Variants in TMEM117 observed in about 807,000 individuals in gnomAD.
TMEM117 encodes transmembrane protein 117.
Under a neutral mutation model 52.4 loss-of-function variants are expected in TMEM117, and 27 were observed. That is an observed-to-expected ratio of 0.51 (90% CI 0.38 to 0.71). The LOEUF (loss-of-function observed/expected upper bound fraction) is 0.71, where lower values mean the gene tolerates loss of function less well. Ranked by LOEUF, TMEM117 falls within the 30% of genes least tolerant of loss-of-function variation. The pLI is 0.00. For missense variants in TMEM117, 556 were observed against 630.5 expected, an observed-to-expected ratio of 0.88 and a Z score of 1.26; for synonymous variants, 215 against 206.3, an observed-to-expected ratio of 1.04 and a Z score of -0.36.
intron 5 of TMEM117, among the ~76,000 whole-genome samples, chr12:44,223,982 T>A (rs1022804939): frequency 6.6e-6 from 1 of 152,144 alleles, no homozygotes; most frequent in African/African-American, 2.4e-5. Flanking sequence ...CTTCCATATT[T>A]TATTAACTCT....
chr12:43,920,291 C>T (rs560760030), intron 2 of TMEM117, among the ~76,000 whole-genome samples: 5 of 152,158 alleles, frequency 3.3e-5, no homozygotes, highest in African/African-American at 1.2e-4. Context: ...TTTGGGATGC[C>T]GAGGCGGGCG....
intron 2 of TMEM117, among the ~76,000 whole-genome samples, chr12:43,925,228 T>TG (rs1167669762): frequency 1.3e-5 from 2 of 151,890 alleles, no homozygotes; most frequent in African/African-American, 2.4e-5. Context: ...TCAGTGTGTG[T>TG]GGGGGTGTCT....
intron 3 of TMEM117, among the ~76,000 whole-genome samples, chr12:44,027,261 T>C (rs1412572648): frequency 1.3e-5 from 2 of 151,070 alleles, no homozygotes; most frequent in East Asian, 1.9e-4. Flanking sequence ...TCTTGGCTCA[T>C]TGCAACCTCC....
chr12:43,894,077 A>C (rs1483094756), intron 2 of TMEM117, among the ~76,000 whole-genome samples: 1 of 152,196 alleles, frequency 6.6e-6, no homozygotes, highest in Non-Finnish European at 1.5e-5. Flanking sequence ...CAATACTTCC[A>C]TGGTACTGTA....
chr12:43,845,496 T>G lies in TMEM117; in HGVS notation c.277+568T>G, dbSNP rs1363332262. ...AAAAAAAAAAAAAGAGCATTAGAGA[T>G]AAAATGAATATATACCTAGTCATTT... On this transcript the variant is annotated intron_variant, in intron 2 of 7. Coordinates refer to ENST00000266534, the MANE Select transcript of TMEM117 (RefSeq NM_032256.3). Among the ~76,000 whole-genome samples the G allele has an allele frequency of 1.8e-4, 26 of 148,236 alleles. 1 individual carries two copies. The highest frequency in any genetic ancestry group is 1.2e-3 in the Admixed American group (18 of 14,902).
At chr12:44,185,533 G>A (rs1375968579) in intron 4 of TMEM117, among the ~76,000 whole-genome samples, 1 of 152,076 alleles carries the variant, frequency 6.6e-6, no homozygotes, top group Non-Finnish European at 1.5e-5. Flanking sequence ...GTTAGGAAAA[G>A]ACATTGGTGC....
At chr12:43,973,218 A>G (rs534549634) in intron 3 of TMEM117, among the ~76,000 whole-genome samples, 5 of 152,246 alleles carry the variant, frequency 3.3e-5, no homozygotes, top group African/African-American at 1.2e-4. Context: ...GTTTTTCCCA[A>G]GGAGTCCCAG....
At chr12:44,124,848 T>C (rs1948296147) in intron 3 of TMEM117, among the ~76,000 whole-genome samples, 1 of 152,206 alleles carries the variant, frequency 6.6e-6, no homozygotes, top group South Asian at 2.1e-4. Context: ...ACCAAGGATA[T>C]TGGCCTGAGG....
At chr12:43,867,689 C>G (rs1394363187) in intron 2 of TMEM117, among the ~76,000 whole-genome samples, 1 of 151,776 alleles carries the variant, frequency 6.6e-6, no homozygotes, top group Non-Finnish European at 1.5e-5. Flanking sequence ...ATGTTAATAT[C>G]AGACAAAAGT....
intron 4 of TMEM117, among the ~76,000 whole-genome samples, chr12:44,180,584 A>G (rs1949182039): frequency 1.4e-5 from 2 of 140,396 alleles, no homozygotes; most frequent in African/African-American, 2.7e-5. Context: ...ATTCCCACCT[A>G]TGAGTGAGAA....
chr12:43,939,743 C>T (rs756321473), intron 2 of TMEM117, among the ~76,000 whole-genome samples: 36 of 152,198 alleles, frequency 2.4e-4, no homozygotes, highest in Non-Finnish European at 3.7e-4. Flanking sequence ...ATAACTCAGA[C>T]TTCCAAAGCC....
intron 5 of TMEM117, among the ~76,000 whole-genome samples, chr12:44,268,939 T>C (rs1427494365): frequency 6.6e-6 from 1 of 152,214 alleles, no homozygotes; most frequent in East Asian, 1.9e-4. Flanking sequence ...AATAATCAGT[T>C]ACTTGGTTTC....
intron 2 of TMEM117, among the ~76,000 whole-genome samples, chr12:43,909,703 A>G (rs1404759173): frequency 6.6e-6 from 1 of 152,000 alleles, no homozygotes; most frequent in Admixed American, 6.6e-5. Context: ...CCATCGGAGA[A>G]TACTACAAAC....
intron 7 of TMEM117, among the ~76,000 whole-genome samples, chr12:44,386,982 A>G (rs991126760): frequency 3.9e-5 from 6 of 152,128 alleles, no homozygotes; most frequent in East Asian, 1.9e-4. Flanking sequence ...TTCAAATACA[A>G]AAGAAAAAAG....
intron 6 of TMEM117, among the ~76,000 whole-genome samples, chr12:44,361,304 A>T (rs1951717634): frequency 6.6e-6 from 1 of 152,198 alleles, no homozygotes; most frequent in South Asian, 2.1e-4. Context: ...GTCACCAAGA[A>T]AATGGAAGAT....
intron 3 of TMEM117, among the ~76,000 whole-genome samples, chr12:44,005,749 CAT>C (rs1009558240): frequency 1.2e-3 from 180 of 152,304 alleles, no homozygotes; most frequent in African/African-American, 4.0e-3. Flanking sequence ...ACAATGCCCA[CAT>C]GTTACAGGAG....
chr12:43,886,308 A>C (rs1036337272), intron 2 of TMEM117, among the ~76,000 whole-genome samples: 3 of 152,212 alleles, frequency 2.0e-5, no homozygotes, highest in Non-Finnish European at 4.4e-5. Context: ...GGAAATATCT[A>C]AGAGAGTATG....
At chr12:43,980,487 A>C (rs1198829774) in intron 3 of TMEM117, among the ~76,000 whole-genome samples, 20 of 152,290 alleles carry the variant, frequency 1.3e-4, no homozygotes. Flanking sequence ...GGTAGCTTTA[A>C]GCAGCTGCTT....
chr12:44,262,744 G>A (rs1384214858), intron 5 of TMEM117, among the ~76,000 whole-genome samples: 1 of 152,076 alleles, frequency 6.6e-6, no homozygotes, highest in African/African-American at 2.4e-5. Context: ...GTGCCACCAC[G>A]CCCGGCTAAT....
Sources: gnomAD v4.1 joint callset for allele counts (sites outside exome capture counted in the v4.1 genomes callset) on GRCh38, gnomAD v4.1.1 for gene constraint, MANE v1.5 for transcripts, NCBI Gene and HGNC (gene_info 2026-07-23, HGNC 2026-07-21) for gene names.